Variants in WWOX observed in about 807,000 individuals in gnomAD.
WWOX encodes the protein WW domain-containing oxidoreductase.
In WWOX, 69 loss-of-function variants were observed where a neutral mutation model predicts 46.2. That is an observed-to-expected ratio of 1.49 (90% confidence interval 1.23 to 1.82). WWOX has a LOEUF of 1.82. Among genes scored for constraint, WWOX ranks in the 40% most tolerant of loss-of-function variants. The pLI, the probability that WWOX is intolerant of heterozygous loss-of-function variation, is 0.00. For synonymous variants in WWOX, 359 were observed against 202.6 expected (o/e 1.77, Z -6.56); for missense variants, 919 against 542.6 (o/e 1.69, Z -6.89).
At chr16:78,418,739 A>G (rs1399288673) in intron 6 of WWOX, among the ~76,000 whole-genome samples, 1 of 152,190 alleles carries the variant, frequency 6.6e-6, no homozygotes, top group African/African-American at 2.4e-5. Flanking sequence ...AAAAAGGTCC[A>G]GCACGCTTTC....
At chr16:78,349,175 G>C (rs1481343263) in intron 5 of WWOX, among the ~76,000 whole-genome samples, 1 of 120,730 alleles carries the variant, frequency 8.3e-6, no homozygotes, top group African/African-American at 2.8e-5. Context: ...ACGTGACCTA[G>C]CCGCTGTGTG....
chr16:79,003,653 A>G (rs1294003528), intron 8 of WWOX, among the ~76,000 whole-genome samples: 1 of 152,106 alleles, frequency 6.6e-6, no homozygotes, highest in African/African-American at 2.4e-5. Context: ...TCAGGTTAGC[A>G]GGGCAGGGAG....
chr16:78,230,219 G>A (rs769367327), intron 5 of WWOX, among the ~76,000 whole-genome samples: 73 of 152,216 alleles, frequency 4.8e-4, no homozygotes, highest in Non-Finnish European at 8.5e-4. Flanking sequence ...CATCTAATAC[G>A]CAGTGCCAGG....
At chr16:78,901,449 G>C (rs1042861972) in intron 8 of WWOX, among the ~76,000 whole-genome samples, 8 of 151,826 alleles carry the variant, frequency 5.3e-5, no homozygotes, top group African/African-American at 1.9e-4. Flanking sequence ...TTCATTTTCT[G>C]TTTTGCTCCT....
At chr16:78,889,226 T>C (rs558740810) in intron 8 of WWOX, among the ~76,000 whole-genome samples, 1 of 152,290 alleles carries the variant, frequency 6.6e-6, no homozygotes, top group Non-Finnish European at 1.5e-5. Context: ...AAGTAAAATT[T>C]TATTAAAATA....
chr16:78,432,369 G>C, intron 7 of WWOX, 119 bp from the exon 8 acceptor site: 2 of 1,374,716 alleles, frequency 1.5e-6, no homozygotes, highest in South Asian at 1.2e-5. Flanking sequence ...GACTCCCAAA[G>C]TGCTCGGATT....
chr16:78,622,716 A>G (rs750199661), intron 8 of WWOX, among the ~76,000 whole-genome samples: 36 of 152,138 alleles, frequency 2.4e-4, no homozygotes, highest in Non-Finnish European at 4.7e-4. Flanking sequence ...TAGAATATGA[A>G]AAAGATAATA....
At chr16:79,130,121 G>T (rs1567570251) in intron 8 of WWOX, among the ~76,000 whole-genome samples, 4 of 152,310 alleles carry the variant, frequency 2.6e-5, no homozygotes, top group Middle Eastern at 6.8e-3. Context: ...GATGAGATGT[G>T]TAATAGAAAG....
At chr16:78,533,606 C>G (rs2667623) in intron 8 of WWOX, among the ~76,000 whole-genome samples, 123,287 of 152,060 alleles carry the variant, frequency 0.81, 51,644 homozygotes, top group East Asian at 0.97. Context: ...CAAGGTACAA[C>G]TAGAAAATCC....
chr16:78,194,552 C>T (rs948064897), intron 5 of WWOX, among the ~76,000 whole-genome samples: 1 of 145,092 alleles, frequency 6.9e-6, no homozygotes, highest in African/African-American at 2.6e-5. Flanking sequence ...CATGCTACTG[C>T]ACTCCAGGCT....
intron 8 of WWOX, among the ~76,000 whole-genome samples, chr16:78,814,139 G>A (rs1232506495): frequency 6.6e-6 from 1 of 152,304 alleles, no homozygotes; most frequent in East Asian, 1.9e-4. Flanking sequence ...ACAGAACCCG[G>A]CCAGATCCTC....
intron 8 of WWOX, among the ~76,000 whole-genome samples, chr16:78,735,079 C>G (rs1034355840): frequency 1.7e-4 from 26 of 151,310 alleles, no homozygotes; most frequent in Non-Finnish European, 7.4e-5. Flanking sequence ...GTTGGCCAGG[C>G]TGGTCTCGAA....
intron 8 of WWOX, among the ~76,000 whole-genome samples, chr16:78,734,833 C>G (rs890132011): frequency 1.0e-5 from 1 of 98,488 alleles, no homozygotes; most frequent in African/African-American, 3.6e-5. Context: ...CAGGTGGGGA[C>G]TTCAGTCCTT....
chr16:79,201,162 A>G (rs1359139064), intron 8 of WWOX, among the ~76,000 whole-genome samples: 1 of 152,130 alleles, frequency 6.6e-6, no homozygotes, highest in Non-Finnish European at 1.5e-5. Flanking sequence ...GCTTCAGCAC[A>G]GGGGATTTTC....
At chr16:78,462,007 T>G (rs1348747711) in intron 8 of WWOX, among the ~76,000 whole-genome samples, 1 of 152,204 alleles carries the variant, frequency 6.6e-6, no homozygotes, top group Non-Finnish European at 1.5e-5. Flanking sequence ...ACAATTAAAC[T>G]CCTCTGGTTT....
At chr16:78,187,571 C>G (rs1327396079) in intron 5 of WWOX, among the ~76,000 whole-genome samples, 1 of 152,172 alleles carries the variant, frequency 6.6e-6, no homozygotes, top group Admixed American at 6.5e-5. Context: ...CCACTGCACT[C>G]CAGCCTGGTC....
intron 8 of WWOX, among the ~76,000 whole-genome samples, chr16:78,619,279 G>C (rs552757974): frequency 8.4e-6 from 1 of 118,618 alleles, no homozygotes; most frequent in South Asian, 3.1e-4. Context: ...CATGAGAATC[G>C]CTTGAACCTG....
intron 8 of WWOX, among the ~76,000 whole-genome samples, chr16:79,061,124 A>G (rs1392649511): frequency 6.6e-6 from 1 of 152,168 alleles, no homozygotes. Context: ...CATGGTGCTC[A>G]CAGTCTCTCA....
intron 8 of WWOX, among the ~76,000 whole-genome samples, chr16:78,953,863 T>C (rs1301857947): frequency 6.6e-6 from 1 of 152,168 alleles, no homozygotes; most frequent in Admixed American, 6.5e-5. Flanking sequence ...TTTTTGGGCT[T>C]TGAGTTTATT....
Sources: gnomAD v4.1 joint callset for allele counts (sites outside exome capture counted in the v4.1 genomes callset) on GRCh38, gnomAD v4.1.1 for gene constraint, MANE v1.5 for transcripts, NCBI Gene and HGNC (gene_info 2026-07-23, HGNC 2026-07-21) for gene names.